Variants in TMEM135 observed in about 807,000 individuals in gnomAD.
The protein encoded by TMEM135 is transmembrane protein 135, also known as peroxisomal membrane protein 52.
In TMEM135, 30 loss-of-function variants were observed where a neutral mutation model predicts 60.3. The ratio of observed to expected loss-of-function variants is 0.50; its 90% CI spans 0.37 to 0.68. The LOEUF (loss-of-function observed/expected upper bound fraction) is 0.68, where lower values mean the gene tolerates loss of function less well. Among genes scored for constraint, TMEM135 ranks in the 30% least tolerant of loss-of-function variants. The probability of loss-of-function intolerance (pLI) is 0.00; values close to 1 mark genes in which losing one functional copy is unlikely to be tolerated. For synonymous variants in TMEM135, 190 were observed against 186.7 expected, an observed-to-expected ratio of 1.02 and a Z score of -0.14; for missense variants, 468 against 548.8, an observed-to-expected ratio of 0.85 and a Z score of 1.47.
At chr11:87,169,038 C>T (rs1939150910) in intron 5 of TMEM135, among the ~76,000 whole-genome samples, 1 of 151,728 alleles carries the variant, frequency 6.6e-6, no homozygotes, top group Non-Finnish European at 1.5e-5. Flanking sequence ...TGCACTGATC[C>T]CTTTGCCATT....
chr11:87,288,098 C>T (rs1190473823), intron 6 of TMEM135, among the ~76,000 whole-genome samples: 2 of 152,184 alleles, frequency 1.3e-5, no homozygotes, highest in South Asian at 2.1e-4. Context: ...AGGTAGTCCA[C>T]TACCCACAGT....
chr11:87,163,144 C>A (rs1190916405), intron 5 of TMEM135, among the ~76,000 whole-genome samples: 1 of 148,786 alleles, frequency 6.7e-6, no homozygotes, highest in African/African-American at 2.5e-5. Flanking sequence ...CCACTAACTC[C>A]TCATCTAGCA....
chr11:87,200,499 T>C (rs1940069870), intron 5 of TMEM135, among the ~76,000 whole-genome samples: 1 of 152,156 alleles, frequency 6.6e-6, no homozygotes, highest in African/African-American at 2.4e-5. Flanking sequence ...ACTTCCCATG[T>C]AGAGTTCCAA....
intron 5 of TMEM135, among the ~76,000 whole-genome samples, chr11:87,212,707 C>CAGCT (rs1940401236): frequency 6.6e-6 from 1 of 151,622 alleles, no homozygotes; most frequent in African/African-American, 2.4e-5. Context: ...CTTGTGGTCC[C>CAGCT]AGCTACTCAA....
intron 1 of TMEM135, among the ~76,000 whole-genome samples, chr11:87,060,818 A>G (rs545625913): frequency 6.6e-6 from 1 of 151,768 alleles, no homozygotes; most frequent in Non-Finnish European, 1.5e-5. Context: ...AATTTTTTGT[A>G]TTTTTAGTAG....
intron 3 of TMEM135, among the ~76,000 whole-genome samples, chr11:87,083,775 C>T (rs1857040811): frequency 6.6e-6 from 1 of 152,130 alleles, no homozygotes; most frequent in Admixed American, 6.5e-5. Flanking sequence ...TCTATTAATT[C>T]CTATGCCTCA....
At chr11:87,314,000 C>T (rs1292452643) in intron 11 of TMEM135, among the ~76,000 whole-genome samples, 2 of 151,626 alleles carry the variant, frequency 1.3e-5, no homozygotes, top group African/African-American at 4.8e-5. Context: ...GTATTCGACA[C>T]CTCCCCTCCT....
In TMEM135 at chr11:87,324,946, A is replaced by C. The variant is rs1226895065; in HGVS notation, c.*3613A>C. 4.4e-6 allele frequency: 2 copies of C among 453,958 alleles called. No individual in the cohort carries two copies. The highest frequency in any genetic ancestry group is 8.8e-6 in the Non-Finnish European group (2 of 226,772). The allele number at this position is 453,958 out of a possible 1,614,324, so 28.1% of individuals were successfully genotyped here. A position where few individuals can be genotyped will look rare whatever the true frequency, so the allele number is the denominator to read the frequency against. ...AATACAAGAAAAGGAATAAGAAGTG[A>C]TTATTTTCTTTAGGGCTGCACTTTG... is the stretch of plus-strand genomic sequence containing the variant. On this transcript the variant is annotated 3_prime_UTR_variant, in exon 15 of 15. Coordinates refer to ENST00000305494, the MANE Select transcript of TMEM135 (RefSeq NM_022918.4).
chr11:87,259,069 G>T, intron 6 of TMEM135: 1 of 1,285,102 alleles, frequency 7.8e-7, no homozygotes, highest in Non-Finnish European at 1.1e-6. Flanking sequence ...CACAAAGAGG[G>T]AGAGAAAGAA....
At chr11:87,249,415 A>G (rs575593818) in intron 6 of TMEM135, among the ~76,000 whole-genome samples, 1 of 152,212 alleles carries the variant, frequency 6.6e-6, no homozygotes, top group South Asian at 2.1e-4. Context: ...TTTCAAAAAA[A>G]CCAACTTTTT....
chr11:87,215,401 G>A (rs1256976155), intron 5 of TMEM135, among the ~76,000 whole-genome samples: 1 of 152,152 alleles, frequency 6.6e-6, no homozygotes, highest in Non-Finnish European at 1.5e-5. Flanking sequence ...CTCTTCTGCT[G>A]GTATCTCTTG....
Position 87,223,497 on chromosome 11 carries a change from A to T in TMEM135, c.463-13141A>T, listed in dbSNP as rs187276639. Reference sequence around the variant, plus strand: ...GAAAAGCACTTCTACAGTTCATCTGATTCAGAATTTAAGTGCATACACTCA... The same window carrying T: ...GAAAAGCACTTCTACAGTTCATCTGTTTCAGAATTTAAGTGCATACACTCA... On this transcript the variant is annotated intron_variant, in intron 5 of 14. Transcript: ENST00000305494. Among the ~76,000 whole-genome samples, 232 of 152,106 alleles carry T rather than the reference A, an allele frequency of 1.5e-3. 2 individuals carry two copies. The highest frequency in any genetic ancestry group is 1.4e-3 in the Non-Finnish European group (97 of 67,994).
chr11:87,212,038 G>A (rs515560), intron 5 of TMEM135, among the ~76,000 whole-genome samples: 19,776 of 152,134 alleles, frequency 0.13, 1,327 homozygotes, highest in Non-Finnish European at 0.14. Context: ...TAAAACAAGT[G>A]TAATAATAAC....
At chr11:87,070,591 G>A (rs1281623912) in intron 2 of TMEM135, among the ~76,000 whole-genome samples, 2 of 151,880 alleles carry the variant, frequency 1.3e-5, no homozygotes, top group Non-Finnish European at 2.9e-5. Flanking sequence ...AGCCGAGACT[G>A]CACCACTGCA....
At chr11:87,100,107 G>A (rs911861770) in intron 4 of TMEM135, among the ~76,000 whole-genome samples, 9 of 152,134 alleles carry the variant, frequency 5.9e-5, no homozygotes, top group African/African-American at 1.9e-4. Flanking sequence ...GGGTACATTT[G>A]TCTGTAAATT....
chr11:87,121,874 A>T (rs1322999397), intron 4 of TMEM135, among the ~76,000 whole-genome samples: 1 of 152,118 alleles, frequency 6.6e-6, no homozygotes, highest in Admixed American at 6.6e-5. Context: ...TCCTGACCTC[A>T]GGTGATGCGC....
rs539246120 is a variant in TMEM135, at chr11:87,219,589, A to G, written c.463-17049A>G. 4.6e-5 allele frequency among the ~76,000 whole-genome samples: 7 copies of G among 152,126 alleles called. No homozygotes were observed. In the South Asian group the frequency reaches 6.2e-4, roughly 14 times the overall value. On this transcript the variant is annotated intron_variant, in intron 5 of 14. Transcript: ENST00000305494. ...GCTTCCACTTCTTATACAGACACCA[A>G]TCTTACTGGATTAGGGCCTAACCCT...
At position 87,318,256 on chromosome 11, in the gene TMEM135, T is replaced by A. The variant is rs1382981139; in HGVS notation, c.1176+21T>A. The A allele has an allele frequency of 6.6e-6, 10 of 1,512,724 alleles. No individual in the cohort carries two copies. In the Middle Eastern group the frequency reaches 5.1e-4, roughly 77 times the overall value. 93.7% of individuals were successfully genotyped at this position (1,512,724 alleles called of 1,614,324 possible). On this transcript the variant is annotated intron_variant, in intron 13 of 14. Transcript: ENST00000305494. ...AGGCAGTAAGTATAACTTTTTGAAA[T>A]GAGAAATTGAATGATTCCTGTTTCT...
chr11:87,257,543 C>G (rs1941552464), intron 6 of TMEM135, among the ~76,000 whole-genome samples: 1 of 152,030 alleles, frequency 6.6e-6, no homozygotes, highest in South Asian at 2.1e-4. Flanking sequence ...TAGTACTTAC[C>G]TCATGGGGTT....
Sources: allele counts gnomAD v4.1 joint callset (sites outside exome capture counted in the v4.1 genomes callset), GRCh38; gene constraint gnomAD v4.1.1; transcripts MANE v1.5; gene names NCBI Gene and HGNC (gene_info 2026-07-23, HGNC 2026-07-21).